VWC2L: variants seen among roughly 807,000 people sequenced by gnomAD.
VWC2L encodes von Willebrand factor C domain-containing protein 2-like.
In VWC2L, 10 loss-of-function variants were observed where a neutral mutation model predicts 21.6. That is an observed-to-expected ratio of 0.46 (90% CI 0.29 to 0.78). VWC2L has a LOEUF of 0.78. Among genes scored for constraint, VWC2L ranks in the 30% least tolerant of loss-of-function variants. VWC2L has a pLI of 0.10. For missense variants in VWC2L, 209 were observed against 277.1 expected (o/e 0.75, Z 1.74); for synonymous variants, 96 against 94.3 (o/e 1.02, Z -0.10).
At chr2:214,475,862 G>C (rs952788773) in intron 3 of VWC2L, among the ~76,000 whole-genome samples, 2 of 152,088 alleles carry the variant, frequency 1.3e-5, no homozygotes, top group African/African-American at 4.8e-5. Context: ...GATTGCAAAG[G>C]AACTAAATGA....
intron 3 of VWC2L, among the ~76,000 whole-genome samples, chr2:214,514,633 C>T (rs766065555): frequency 1.8e-4 from 27 of 152,180 alleles, no homozygotes; most frequent in Admixed American, 3.3e-4. Flanking sequence ...CTGTGTCCTA[C>T]AACAATAGGA....
intron 3 of VWC2L, among the ~76,000 whole-genome samples, chr2:214,560,423 C>T (rs560141321): frequency 1.3e-5 from 2 of 152,210 alleles, no homozygotes; most frequent in South Asian, 4.2e-4. Flanking sequence ...CAAGTGTACT[C>T]CATGTCCCAT....
intron 3 of VWC2L, among the ~76,000 whole-genome samples, chr2:214,521,795 G>T (rs1313061367): frequency 2.0e-5 from 3 of 152,174 alleles, no homozygotes; most frequent in Non-Finnish European, 4.4e-5. Context: ...CTTGGCTTTG[G>T]CTTGTCAGCA....
chr2:214,575,034 T>TAAAAAAAAAA (rs3046806), intron 3 of VWC2L, among the ~76,000 whole-genome samples: 1 of 118,458 alleles, frequency 8.4e-6, no homozygotes, highest in Non-Finnish European at 1.8e-5. Flanking sequence ...GGTCATTCTT[T>TAAAAAAAAAA]AAAAAAAAAA....
chr2:214,432,970 C>G (rs1232847983), intron 2 of VWC2L, among the ~76,000 whole-genome samples: 2 of 149,628 alleles, frequency 1.3e-5, no homozygotes, highest in Non-Finnish European at 3.0e-5. Flanking sequence ...TGCAGTAAGC[C>G]AAGATTGTGC....
rs1690274992 is a variant in VWC2L, at chr2:214,578,926, T to C, written c.*3106T>C. ...CAACAATATTTGATGTGTAAAAGAATATATTATTAAAAAATTATTTTGTTA... is the reference window on the plus strand; with the variant it reads ...CAACAATATTTGATGTGTAAAAGAACATATTATTAAAAAATTATTTTGTTA... On this transcript the variant is annotated 3_prime_UTR_variant, in exon 4 of 4. Transcript: ENST00000312504. The C allele has an allele frequency of 6.6e-6, 1 of 152,020 alleles. No homozygotes were observed. 9.4% of individuals were successfully genotyped at this position (152,020 alleles called of 1,614,324 possible). A position where few individuals can be genotyped will look rare whatever the true frequency, so the allele number is the denominator to read the frequency against.
Position 214,414,192 on chromosome 2 carries a change from G to T in VWC2L, c.-2G>T. 6.2e-7 allele frequency: 1 copy of T among 1,608,796 alleles called. No individual in the cohort carries two copies. Among genetic ancestry groups the T allele is most frequent in the Non-Finnish European group, 8.5e-7 (1 of 1,178,730 alleles). ...CACATCCAGAAGTCTTTGAAGAGGG[G>T]GATGGCTCTTCATATTCATGAAGCT... On this transcript the variant is annotated 5_prime_UTR_variant, in exon 2 of 4. Coordinates refer to ENST00000312504, the MANE Select transcript of VWC2L (RefSeq NM_001080500.4).
chr2:214,546,122 G>A (rs548942515), intron 3 of VWC2L, among the ~76,000 whole-genome samples: 2 of 152,196 alleles, frequency 1.3e-5, no homozygotes, highest in Non-Finnish European at 2.9e-5. Context: ...AACAAGGGAT[G>A]GGAGGAAACT....
At chr2:214,544,142 T>A (rs1689669242) in intron 3 of VWC2L, among the ~76,000 whole-genome samples, 1 of 152,170 alleles carries the variant, frequency 6.6e-6, no homozygotes, top group South Asian at 2.1e-4. Context: ...TGGCTTCTGA[T>A]TCCAAGTTAT....
chr2:214,433,047 T>C lies in VWC2L; in HGVS notation c.391-3582T>C, dbSNP rs184654683. Reference sequence around the variant, plus strand: ...AAGAAGAAAAAAAAAAAAAAGTATGTATTCAGAGATAGCAGAAATTGCTTA... The same window carrying C: ...AAGAAGAAAAAAAAAAAAAAGTATGCATTCAGAGATAGCAGAAATTGCTTA... On this transcript the variant is annotated intron_variant, in intron 2 of 3. Coordinates refer to ENST00000312504, the MANE Select transcript of VWC2L (RefSeq NM_001080500.4). 3.5e-3 allele frequency among the ~76,000 whole-genome samples: 526 copies of C among 150,676 alleles called. 5 individuals carry two copies. The highest frequency in any genetic ancestry group is 0.013 in the African/African-American group (515 of 41,004).
chr2:214,418,180 C>T (rs891436905), intron 2 of VWC2L, among the ~76,000 whole-genome samples: 2 of 152,212 alleles, frequency 1.3e-5, no homozygotes, highest in African/African-American at 4.8e-5. Context: ...TGTATCACTC[C>T]TTCCGTATGT....
At chr2:214,432,799 A>G (rs1702619380) in intron 2 of VWC2L, among the ~76,000 whole-genome samples, 1 of 152,118 alleles carries the variant, frequency 6.6e-6, no homozygotes, top group Non-Finnish European at 1.5e-5. Flanking sequence ...AGGTGGGTGG[A>G]TCATTTGAGG....
intron 3 of VWC2L, among the ~76,000 whole-genome samples, chr2:214,495,436 A>C (rs1194051696): frequency 6.6e-6 from 1 of 152,080 alleles, no homozygotes; most frequent in Non-Finnish European, 1.5e-5. Flanking sequence ...TCTTAACTTC[A>C]ATGATTTCGA....
chr2:214,499,717 AT>A (rs1688865326), intron 3 of VWC2L, among the ~76,000 whole-genome samples: 1 of 152,214 alleles, frequency 6.6e-6, no homozygotes, highest in Non-Finnish European at 1.5e-5. Flanking sequence ...ATGAGCTGTC[AT>A]TTTTTATTCA....
chr2:214,544,234 C>T (rs1689670856), intron 3 of VWC2L, among the ~76,000 whole-genome samples: 1 of 152,142 alleles, frequency 6.6e-6, no homozygotes, highest in Non-Finnish European at 1.5e-5. Context: ...TCTGAATTCT[C>T]TGGGCATTTA....
intron 3 of VWC2L, among the ~76,000 whole-genome samples, chr2:214,495,597 T>G (rs1688800555): frequency 6.6e-6 from 1 of 152,144 alleles, no homozygotes; most frequent in Admixed American, 6.5e-5. Context: ...CCTTAGTCTA[T>G]TCCTGCTTCA....
chr2:214,513,568 T>TGGAA (rs1194821378), intron 3 of VWC2L, among the ~76,000 whole-genome samples: 1 of 152,108 alleles, frequency 6.6e-6, no homozygotes, highest in African/African-American at 2.4e-5. Flanking sequence ...GTGACATGAA[T>TGGAA]GGAAGTGAGT....
intron 3 of VWC2L, among the ~76,000 whole-genome samples, chr2:214,469,565 A>ATTGT (rs1703274249): frequency 6.6e-6 from 1 of 151,966 alleles, no homozygotes; most frequent in Non-Finnish European, 1.5e-5. Context: ...ACTGCACTCC[A>ATTGT]GCCTGGGCGA....
chr2:214,495,528 A>G (rs1397763364), intron 3 of VWC2L, among the ~76,000 whole-genome samples: 1 of 152,150 alleles, frequency 6.6e-6, no homozygotes, highest in East Asian at 1.9e-4. Context: ...CCACTTAGGA[A>G]CCACTGGCAG....
Sources: allele counts gnomAD v4.1 joint callset (sites outside exome capture counted in the v4.1 genomes callset), GRCh38; gene constraint gnomAD v4.1.1; transcripts MANE v1.5; gene names NCBI Gene and HGNC (gene_info 2026-07-23, HGNC 2026-07-21).